Variants in OR51B5 observed in about 807,000 individuals in gnomAD.
The protein encoded by OR51B5 is olfactory receptor 51B5.
For missense variants in OR51B5, 456 were observed against 374.6 expected (o/e 1.22, Z -1.79); for synonymous variants, 186 against 144.8 (o/e 1.28, Z -2.04).
At chr11:5,492,841 A>T (rs778880652) in intron 1 of OR51B5, among the ~76,000 whole-genome samples, 1 of 151,990 alleles carries the variant, frequency 6.6e-6, no homozygotes, top group Non-Finnish European at 1.5e-5. Flanking sequence ...CACCATGTTG[A>T]CCAGGCTGAT....
intron 1 of OR51B5, among the ~76,000 whole-genome samples, chr11:5,377,208 A>G (rs1455614227): frequency 2.6e-5 from 4 of 152,108 alleles, no homozygotes; most frequent in African/African-American, 9.7e-5. Context: ...AAAGACAAAA[A>G]CCACATGATT....
At chr11:5,343,442 A>T (rs1234267032) in exon 1 of OR51B5, 7 of 1,608,964 alleles carry the variant, frequency 4.4e-6, no homozygotes, top group Non-Finnish European at 6.0e-6. Flanking sequence ...GAACAAGAAA[A>T]ATACGGAAAT....
intron 1 of OR51B5, among the ~76,000 whole-genome samples, chr11:5,370,472 G>A (rs1476979865): frequency 6.6e-6 from 1 of 152,084 alleles, no homozygotes. Flanking sequence ...TCCAATTTGA[G>A]GGCAATAATT....
At chr11:5,397,361 A>T (rs570255398) in intron 1 of OR51B5, among the ~76,000 whole-genome samples, 8 of 152,164 alleles carry the variant, frequency 5.3e-5, no homozygotes, top group African/African-American at 1.9e-4. Context: ...TTTACAAGAG[A>T]AAAAAAACCC....
intron 1 of OR51B5, among the ~76,000 whole-genome samples, chr11:5,438,431 C>T (rs1038761487): frequency 1.3e-5 from 2 of 151,388 alleles, no homozygotes; most frequent in South Asian, 2.1e-4. Context: ...GAATTCCGAG[C>T]TTAAAACTCA....
intron 1 of OR51B5, among the ~76,000 whole-genome samples, chr11:5,413,305 C>G (rs1427902419): frequency 6.6e-6 from 1 of 151,878 alleles, no homozygotes; most frequent in Non-Finnish European, 1.5e-5. Flanking sequence ...TCATCAAAGA[C>G]CAAAAGTAGA....
At chr11:5,413,471 G>C (rs11037345) in intron 1 of OR51B5, among the ~76,000 whole-genome samples, 55,039 of 151,986 alleles carry the variant, frequency 0.36, 10,071 homozygotes, top group South Asian at 0.4. Context: ...AAAGGCTTCA[G>C]ACAATCAAAC....
At chr11:5,408,416 T>C (rs1850094426) in intron 1 of OR51B5, among the ~76,000 whole-genome samples, 1 of 145,222 alleles carries the variant, frequency 6.9e-6, no homozygotes, top group Non-Finnish European at 1.5e-5. Context: ...TTTCTTCCTT[T>C]GCTGTTTTCC....
chr11:5,420,354 G>A lies in OR51B5; in HGVS notation n.85-73444C>T, dbSNP rs550575478. ...TGAAAGTTTAAAACACCAATTATAC[G>A]ATTTAACTTTCCATTATTGCATTTT... On this transcript the variant is annotated intron_variant and non_coding_transcript_variant, in intron 1 of 4. Transcript: ENST00000415970. 8.6e-5 allele frequency among the ~76,000 whole-genome samples: 13 copies of A among 152,038 alleles called. No individual in the cohort carries two copies. The South Asian group carries it at 1.9e-3, about 22-fold the overall frequency.
intron 1 of OR51B5, chr11:5,430,820 C>G (rs768639300): frequency 6.6e-6 from 3 of 457,410 alleles, no homozygotes; most frequent in South Asian, 4.6e-5. Flanking sequence ...CGATGCATCA[C>G]AGACACCCCA....
intron 1 of OR51B5, among the ~76,000 whole-genome samples, chr11:5,433,861 A>G (rs1850562626): frequency 6.6e-6 from 1 of 152,060 alleles, no homozygotes; most frequent in South Asian, 2.1e-4. Context: ...AACTATGACT[A>G]TGGAGACAAG....
chr11:5,425,497 G>A (rs1487152987), intron 1 of OR51B5, among the ~76,000 whole-genome samples: 2 of 152,150 alleles, frequency 1.3e-5, no homozygotes, highest in African/African-American at 2.4e-5. Flanking sequence ...GAGATAAACT[G>A]TTTATTGTCT....
intron 1 of OR51B5, chr11:5,505,568 C>T: frequency 1.0e-6 from 1 of 999,718 alleles, no homozygotes; most frequent in Admixed American, 3.3e-5. Flanking sequence ...ACCGGACTTA[C>T]AGTTCCACAT....
At chr11:5,445,277 C>A (rs1850743821) in intron 1 of OR51B5, among the ~76,000 whole-genome samples, 1 of 152,116 alleles carries the variant, frequency 6.6e-6, no homozygotes, top group Admixed American at 6.6e-5. Context: ...ATTGCAGATA[C>A]ATATTCACAT....
At chr11:5,399,290 A>G (rs1382347271) in intron 1 of OR51B5, among the ~76,000 whole-genome samples, 1 of 152,186 alleles carries the variant, frequency 6.6e-6, no homozygotes, top group Non-Finnish European at 1.5e-5. Context: ...ACAAGGAAAG[A>G]CAATTATTAA....
At chr11:5,423,236 A>G in intron 1 of OR51B5, 1 of 1,420,280 alleles carries the variant, frequency 7.0e-7, no homozygotes, top group South Asian at 1.5e-5. Flanking sequence ...AAACTATAAA[A>G]TAAAACTTCA....
At chr11:5,407,675 AG>A (rs1290247736) in intron 1 of OR51B5, among the ~76,000 whole-genome samples, 2 of 48,268 alleles carry the variant, frequency 4.1e-5, no homozygotes, top group Non-Finnish European at 1.2e-4. Context: ...GTCTTCCATC[AG>A]TTTTTTTTTT....
chr11:5,489,076 G>A lies in OR51B5; in HGVS notation n.84+16493C>T, dbSNP rs769495234. On this transcript the variant is annotated intron_variant and non_coding_transcript_variant, in intron 1 of 4. Transcript: ENST00000415970. ...CTCAATTCTACTTGCCATGGCCTTT[G>A]ATAGGTATGTGGCTATCTGTAACCC... The A allele has an allele frequency of 6.8e-6, 11 of 1,614,046 alleles. No homozygotes were observed. The South Asian group carries it at 1.1e-4, about 16-fold the overall frequency.
intron 1 of OR51B5, among the ~76,000 whole-genome samples, chr11:5,480,653 C>T (rs996304976): frequency 6.6e-6 from 1 of 151,616 alleles, no homozygotes; most frequent in Non-Finnish European, 1.5e-5. Flanking sequence ...CAAATAGATG[C>T]AATAAAAAAT....
Sources: allele counts gnomAD v4.1 joint callset (sites outside exome capture counted in the v4.1 genomes callset), GRCh38; gene constraint gnomAD v4.1.1; transcripts MANE v1.5; gene names NCBI Gene and HGNC (gene_info 2026-07-23, HGNC 2026-07-21).